Variants in KAZN observed in about 807,000 individuals in gnomAD.
The protein encoded by KAZN is kazrin, periplakin interacting protein, also known as kazrin.
A neutral mutation model predicts 87.4 loss-of-function variants in KAZN; 40 were observed. That is an observed-to-expected ratio of 0.46 (90% confidence interval 0.36 to 0.60). The LOEUF (loss-of-function observed/expected upper bound fraction) is 0.60. Ranked by LOEUF, KAZN falls within the 20% of genes least tolerant of loss-of-function variation. KAZN has a pLI of 0.00. For missense variants in KAZN, 898 were observed against 1,073.9 expected, an observed-to-expected ratio of 0.84 and a Z score of 2.29; for synonymous variants, 466 against 458.3, an observed-to-expected ratio of 1.02 and a Z score of -0.22.
chr1:14,735,063 T>TTTTTTTTTTTG lies in KAZN; in HGVS notation c.226+135844_226+135845insTTTTTTGTTTT, dbSNP rs373603693. On this transcript the variant is annotated intron_variant, in intron 1 of 14. Transcript: ENST00000376030. This position sits in a 1 kb window ranked among gnomAD's most constrained non-coding sequence, Gnocchi z 4.3. ...GGATGCTAAATGGTCATGCTGGTTTTTTTTGTTTTGTTTTGAGACGGAGTC... is the reference window on the plus strand; with the variant it reads ...GGATGCTAAATGGTCATGCTGGTTTTTTTTTTTTTTGTTTTGTTTTGTTTTGAGACGGAGTC... Among the ~76,000 whole-genome samples, 1 of 152,142 alleles carries TTTTTTTTTTTG rather than the reference T, an allele frequency of 6.6e-6. No individual in the cohort carries two copies. The highest frequency in any genetic ancestry group is 2.4e-5 in the African/African-American group (1 of 41,406).
At chr1:14,921,153 AACACACACACACACACAC>A in intron 1 of KAZN, among the ~76,000 whole-genome samples, 1 of 144,508 alleles carries the variant, frequency 6.9e-6, no homozygotes, top group South Asian at 2.3e-4. Flanking sequence ...CTGAGCATGC[AACACACACACACACACAC>A]ACACACACAC....
chr1:14,842,340 T>C (rs1442918710), intron 1 of KAZN, among the ~76,000 whole-genome samples: 1 of 152,222 alleles, frequency 6.6e-6, no homozygotes, highest in Non-Finnish European at 1.5e-5. Flanking sequence ...TGTCTCTTAT[T>C]TCTAGAACAG....
intron 1 of KAZN, among the ~76,000 whole-genome samples, chr1:14,696,504 G>T (rs1319634593): frequency 6.6e-6 from 1 of 152,178 alleles, no homozygotes; most frequent in Non-Finnish European, 1.5e-5. Flanking sequence ...CATGGAGATG[G>T]GCAGGAAGAA....
At chr1:14,420,955 G>A (rs1665380614) in intron 2 of KAZN, among the ~76,000 whole-genome samples, 1 of 146,588 alleles carries the variant, frequency 6.8e-6, no homozygotes, top group Non-Finnish European at 1.5e-5. Context: ...TCCGGCCTCC[G>A]CCAGCCCAGA....
At chr1:15,029,473 A>C (rs1671473297) in intron 2 of KAZN, among the ~76,000 whole-genome samples, 1 of 152,206 alleles carries the variant, frequency 6.6e-6, no homozygotes, top group African/African-American at 2.4e-5. Context: ...CCCACCATGG[A>C]GGCAGCCCAC....
rs191889330 is a variant in KAZN, at chr1:14,541,971, G to A, written c.250-57012G>A. ...CTTCAGGGCAGAGGCCTGTTGAGGC[G>A]ATTGTCAGCCTCTCTGATACAGCAT... On this transcript the variant is annotated intron_variant, in intron 2 of 16. Transcript: ENST00000636203. Among the ~76,000 whole-genome samples the A allele has an allele frequency of 1.7e-3, 260 of 152,254 alleles. 6 individuals carry two copies. Among genetic ancestry groups the A allele is most frequent in the South Asian group, 4.4e-3 (21 of 4,820 alleles).
At chr1:15,109,571 T>A (rs1037668480) in intron 13 of KAZN, among the ~76,000 whole-genome samples, 5 of 152,128 alleles carry the variant, frequency 3.3e-5, no homozygotes, top group African/African-American at 7.2e-5. Flanking sequence ...ACTCAGAGCT[T>A]AATGTTTATG....
At chr1:14,793,914 G>A (rs1329185759) in intron 1 of KAZN, among the ~76,000 whole-genome samples, 2 of 152,196 alleles carry the variant, frequency 1.3e-5, no homozygotes, top group Non-Finnish European at 2.9e-5. Context: ...GCCCTCGCCT[G>A]TTAGGGGCCC....
chr1:15,029,866 G>A (rs760105686), intron 2 of KAZN, among the ~76,000 whole-genome samples: 24 of 152,200 alleles, frequency 1.6e-4, no homozygotes, highest in Admixed American at 3.3e-4. Flanking sequence ...CTGAGTAGCA[G>A]CTTCTTTCCA....
intron 2 of KAZN, among the ~76,000 whole-genome samples, chr1:14,220,084 G>A (rs1314885769): frequency 6.6e-6 from 1 of 152,052 alleles, no homozygotes; most frequent in Admixed American, 6.6e-5. Context: ...CTGTCCCTTT[G>A]GTGTCTTTTG....
chr1:14,519,277 T>G (rs1671457017), intron 2 of KAZN, among the ~76,000 whole-genome samples: 2 of 152,158 alleles, frequency 1.3e-5, no homozygotes, highest in Admixed American at 6.5e-5. Context: ...GCTGCAGTTT[T>G]GTAGTTTGCA....
intron 2 of KAZN, among the ~76,000 whole-genome samples, chr1:14,590,802 C>T (rs1034955790): frequency 1.3e-5 from 2 of 152,186 alleles, no homozygotes; most frequent in Non-Finnish European, 2.9e-5. Context: ...AATTCCTCAA[C>T]AAGTCTATGA....
chr1:14,922,791 CAA>C (rs35903866), intron 1 of KAZN, among the ~76,000 whole-genome samples: 106 of 75,538 alleles, frequency 1.4e-3, no homozygotes, highest in African/African-American at 5.0e-3. Context: ...GACTCTGTCT[CAA>C]AAAAAAAAAA....
At chr1:14,933,356 G>A (rs6693856) in intron 1 of KAZN, among the ~76,000 whole-genome samples, 1 of 152,050 alleles carries the variant, frequency 6.6e-6, no homozygotes, top group Admixed American at 6.6e-5. Flanking sequence ...GCCTCCCAAA[G>A]TGCTGGGATT....
chr1:13,911,378 T>C (rs1639646848), intron 1 of KAZN, among the ~76,000 whole-genome samples: 1 of 152,154 alleles, frequency 6.6e-6, no homozygotes, highest in African/African-American at 2.4e-5. Flanking sequence ...CAACCAGATC[T>C]TGGAGAACCC....
intron 1 of KAZN, among the ~76,000 whole-genome samples, chr1:14,931,503 C>G (rs543345198): frequency 7.9e-5 from 12 of 152,024 alleles, no homozygotes; most frequent in Non-Finnish European, 1.5e-4. Flanking sequence ...AAATTTTCAC[C>G]CTTTACCATC....
chr1:14,087,223 A>G (rs1643878805), intron 1 of KAZN, among the ~76,000 whole-genome samples: 2 of 152,154 alleles, frequency 1.3e-5, no homozygotes, highest in African/African-American at 4.8e-5. Context: ...CACAATTTTG[A>G]TGCTATCATA....
chr1:14,514,409 TATATAAATATATATATAA>T (rs1671136266), intron 2 of KAZN, among the ~76,000 whole-genome samples: 1 of 26,256 alleles, frequency 3.8e-5, no homozygotes, highest in Non-Finnish European at 8.6e-5. Context: ...ATATATATAA[TATATAAATATATATATAA>T]TATATATAAT....
chr1:14,766,681 T>C (rs893926663), intron 1 of KAZN, among the ~76,000 whole-genome samples: 1 of 148,630 alleles, frequency 6.7e-6, no homozygotes, highest in Non-Finnish European at 1.5e-5. Context: ...CTGTTGGAGC[T>C]CACAGTCCAG....
Sources: allele counts gnomAD v4.1 joint callset (sites outside exome capture counted in the v4.1 genomes callset), GRCh38; gene constraint gnomAD v4.1.1; non-coding constraint Gnocchi (gnomAD v3.1); transcripts MANE v1.5; gene names NCBI Gene and HGNC (gene_info 2026-07-23, HGNC 2026-07-21).